The following KIAA0586 variants were observed in gnomAD, a reference collection of about 807,000 sequenced individuals.
The protein encoded by KIAA0586 is protein TALPID3.
In KIAA0586, 144 loss-of-function variants were observed where a neutral mutation model predicts 169.8. The observed-to-expected ratio is 0.85, with a 90% CI of 0.74 to 0.97. The LOEUF (loss-of-function observed/expected upper bound fraction) is 0.97, where lower values mean the gene tolerates loss of function less well. Among genes scored for constraint, KIAA0586 ranks in the 50% least tolerant of loss-of-function variants. The pLI, the probability that KIAA0586 is intolerant of heterozygous loss-of-function variation, is 0.00. For synonymous variants in KIAA0586, 625 were observed against 612.4 expected (o/e 1.02, Z -0.30); for missense variants, 1,854 against 1,823.0 (o/e 1.02, Z -0.31).
chr14:58,472,096 C>T, intron 17 of KIAA0586, 103 bp from the exon 18 acceptor site: 1 of 502,174 alleles, frequency 2.0e-6, no homozygotes, highest in Non-Finnish European at 3.5e-6. Flanking sequence ...TTAAAAAGGA[C>T]CATGTAATTA....
chr14:58,430,526 G>A, intron 2 of KIAA0586, 122 bp from the exon 3 acceptor site: 1 of 562,370 alleles, frequency 1.8e-6, no homozygotes, highest in Non-Finnish European at 3.2e-6. Flanking sequence ...TGGAAATGAA[G>A]AATATGAAAT....
chr14:58,527,939 G>T (rs148057629), intron 29 of KIAA0586, among the ~76,000 whole-genome samples: 3 of 152,098 alleles, frequency 2.0e-5, no homozygotes, highest in African/African-American at 4.8e-5. Flanking sequence ...AAGACCCATC[G>T]GTGTGCTGTA....
rs547990270 is a variant in KIAA0586, at chr14:58,461,152, G to A, written c.2051G>A (p.Arg684Gln). The A allele has an allele frequency of 1.1e-5, 17 of 1,565,828 alleles. No individual in the cohort carries two copies. The highest frequency in any genetic ancestry group is 1.7e-4 in the Middle Eastern group (1 of 5,872). Residue 684 changes from arginine to glutamine, a missense_variant, in exon 14 of 31, where the codon CGA becomes CAA. Coordinates refer to ENST00000652326, the MANE Select transcript of KIAA0586 (RefSeq NM_001329943.3). The stretch of plus-strand genomic sequence containing the variant: ...CCACAGAGACCAAAAGTAATAGAAC[G>A]AGTTAAAGGTAAGGAATCTCATTTT... Reference protein sequence around the residue: ...SRPQRPKVIERVKGTKVKSIR... With the variant: ...SRPQRPKVIEQVKGTKVKSIR...
intron 29 of KIAA0586, among the ~76,000 whole-genome samples, chr14:58,513,579 CTT>C (rs796280532): frequency 8.3e-5 from 12 of 144,134 alleles, no homozygotes; most frequent in Admixed American, 1.4e-4. Context: ...CCTCCTGACC[CTT>C]TTTTTTTTTA....
At chr14:58,472,762 A>T (rs539319876) in intron 18 of KIAA0586, among the ~76,000 whole-genome samples, 1 of 151,468 alleles carries the variant, frequency 6.6e-6, no homozygotes, top group Non-Finnish European at 1.5e-5. Context: ...ATTATAAAGG[A>T]TGGGACAAAA....
intron 16 of KIAA0586, among the ~76,000 whole-genome samples, chr14:58,468,755 A>C (rs2040972270): frequency 6.6e-6 from 1 of 152,216 alleles, no homozygotes; most frequent in African/African-American, 2.4e-5. Context: ...GTAGGAAAGC[A>C]TTCATGAACT....
chr14:58,512,389 T>A, intron 28 of KIAA0586, 133 bp from the exon 29 acceptor site: 1 of 543,592 alleles, frequency 1.8e-6, no homozygotes. Context: ...TGCGAATAAA[T>A]AAAAAGCAAT....
intron 29 of KIAA0586, among the ~76,000 whole-genome samples, chr14:58,536,149 G>A (rs376995378): frequency 2.0e-5 from 3 of 151,694 alleles, no homozygotes; most frequent in South Asian, 2.1e-4. Flanking sequence ...TAGATTTGGG[G>A]GTACATGTGC....
rs369256319 is a variant in KIAA0586, at chr14:58,522,835, A to G, written c.4429+10208A>G. 3.9e-5 allele frequency among the ~76,000 whole-genome samples: 6 copies of G among 152,330 alleles called. No homozygotes were observed. The East Asian group carries it at 7.7e-4, about 20-fold the overall frequency. ...GCGTGGCAACAAGTGTGTTAGGTCA[A>G]CTTGCAGATTGTTTTTATGTATATA... On this transcript the variant is annotated intron_variant, in intron 29 of 30. Coordinates refer to ENST00000652326, the MANE Select transcript of KIAA0586 (RefSeq NM_001329943.3).
At chr14:58,521,285 G>A (rs1017796113) in intron 29 of KIAA0586, 14 of 1,146,214 alleles carry the variant, frequency 1.2e-5, no homozygotes, top group Non-Finnish European at 1.8e-5. Context: ...TGTTCATTGG[G>A]AATCTCAACA....
At chr14:58,455,812 T>G (rs1315872046) in intron 9 of KIAA0586, among the ~76,000 whole-genome samples, 1 of 152,116 alleles carries the variant, frequency 6.6e-6, no homozygotes, top group Non-Finnish European at 1.5e-5. Flanking sequence ...AGGTCGGAAG[T>G]GAGTGATTAG....
chr14:58,515,469 A>T (rs1010633552), intron 29 of KIAA0586, among the ~76,000 whole-genome samples: 2 of 152,124 alleles, frequency 1.3e-5, no homozygotes, highest in Non-Finnish European at 2.9e-5. Flanking sequence ...CTTAGAAGCT[A>T]ATTTTGACCA....
At chr14:58,484,878 TTATATATATATTTATATATATATATA>T (rs2042267907) in intron 21 of KIAA0586, among the ~76,000 whole-genome samples, 3 of 50,994 alleles carry the variant, frequency 5.9e-5, no homozygotes, top group African/African-American at 7.9e-5. Context: ...TTTATATATA[TTATATATATATTTATATATATATATA>T]TATATATATA....
At chr14:58,544,314 G>T (rs764905131) in intron 30 of KIAA0586, among the ~76,000 whole-genome samples, 5 of 152,124 alleles carry the variant, frequency 3.3e-5, no homozygotes, top group Non-Finnish European at 7.4e-5. Flanking sequence ...GTTGTGAATT[G>T]TGCCGCAGTG....
At position 58,550,332 on chromosome 14, in the gene KIAA0586, G is replaced by C. The variant is rs2047171032; in HGVS notation, c.*2400G>C. On this transcript the variant is annotated 3_prime_UTR_variant, in exon 31 of 31. Coordinates refer to ENST00000652326, the MANE Select transcript of KIAA0586 (RefSeq NM_001329943.3). ...TATTTTGTTTTATAGGATTATTTCT[G>C]TTCATGGTTACTCCTGTACACATTC... 1 of 152,052 alleles carries C rather than the reference G, an allele frequency of 6.6e-6. No individual in the cohort carries two copies. Among genetic ancestry groups the C allele is most frequent in the South Asian group, 2.1e-4 (1 of 4,826 alleles). 9.4% of individuals were successfully genotyped at this position (152,052 alleles called of 1,614,324 possible). A position where few individuals can be genotyped will look rare whatever the true frequency, so the allele number is the denominator to read the frequency against.
In KIAA0586 at chr14:58,442,819, C is replaced by T; in HGVS notation, c.524C>T (p.Ser175Leu). The T allele has an allele frequency of 6.2e-7, 1 of 1,610,518 alleles. No individual in the cohort carries two copies. Among genetic ancestry groups the T allele is most frequent in the Admixed American group, 1.7e-5 (1 of 59,538 alleles). ...ETRISPSGID[S>L]ATTVAAATAA... ...AGAATTTCACCCAGTGGAATTGATT[C>T]AGCTACAACCGTGGCTGCAGCAACT... is the stretch of plus-strand genomic sequence containing the variant. The change falls in exon 5 of 31, where the codon TCA becomes TTA. Residue 175 changes from serine (S) to leucine (L), a missense_variant. By Grantham distance (145) the Ser-to-Leu change is moderately radical. Coordinates refer to ENST00000652326, the MANE Select transcript of KIAA0586 (RefSeq NM_001329943.3).
At chr14:58,536,703 A>AT (rs1043045703) in intron 29 of KIAA0586, among the ~76,000 whole-genome samples, 1 of 152,192 alleles carries the variant, frequency 6.6e-6, no homozygotes, top group Non-Finnish European at 1.5e-5. Context: ...TGTGCCTTCA[A>AT]TTAAAGCTTT....
chr14:58,558,897 T>C, the KIAA0586 span, among the ~76,000 whole-genome samples: 1 of 152,254 alleles, frequency 6.6e-6, no homozygotes, highest in Non-Finnish European at 1.5e-5. Context: ...CTGATATCTC[T>C]TCAGGTTTGA....
chr14:58,478,264 C>T (rs2041793991), intron 20 of KIAA0586, among the ~76,000 whole-genome samples: 1 of 152,158 alleles, frequency 6.6e-6, no homozygotes, highest in Non-Finnish European at 1.5e-5. Context: ...GGGCAGATCA[C>T]CTGAGGTGAG....
Sources: allele counts gnomAD v4.1 joint callset (sites outside exome capture counted in the v4.1 genomes callset), GRCh38; gene constraint gnomAD v4.1.1; transcripts MANE v1.5; gene names NCBI Gene and HGNC (gene_info 2026-07-23, HGNC 2026-07-21).